HNRNPL: variants seen among roughly 807,000 people sequenced by gnomAD.
HNRNPL encodes heterogeneous nuclear ribonucleoprotein L, also known as epididymis secretory sperm binding protein.
In HNRNPL, 12 loss-of-function variants were observed where a neutral mutation model predicts 64.0. That is an observed-to-expected ratio of 0.19 (90% confidence interval 0.12 to 0.30). The LOEUF (loss-of-function observed/expected upper bound fraction) is 0.30, where lower values mean the gene tolerates loss of function less well. Among genes scored for constraint, HNRNPL ranks in the 10% least tolerant of loss-of-function variants. The pLI, the probability that HNRNPL is intolerant of heterozygous loss-of-function variation, is 1.00. For missense variants in HNRNPL, 484 were observed against 797.4 expected (o/e 0.61, Z 4.73); for synonymous variants, 385 against 313.0 (o/e 1.23, Z -2.43).
chr19:38,840,380 G>A lies in HNRNPL; in HGVS notation c.953-4C>T, dbSNP rs759957167. ...TGGTACCCACCGTGGGGCCCTCCTG[G>A]GGGGTGGGAAGGAAAGAGAGGGAGG... On this transcript the variant is annotated splice_polypyrimidine_tract_variant and splice_region_variant and intron_variant, in intron 7 of 12. Transcript: ENST00000221419. 42 of 1,558,230 alleles carry A rather than the reference G, an allele frequency of 2.7e-5. No individual in the cohort carries two copies. The East Asian group carries it at 9.5e-4, about 35-fold the overall frequency.
intron 6 of HNRNPL, chr19:38,841,347 CAGATAAGA>C: frequency 2.9e-6 from 1 of 345,620 alleles, no homozygotes; most frequent in South Asian, 2.2e-5. Context: ...CCCCATTTTA[CAGATAAGA>C]AGACTGAGTT....
chr19:38,851,431 TG>T (rs762612520), upstream of HNRNPL, among the ~76,000 whole-genome samples: 4 of 151,446 alleles, frequency 2.6e-5, no homozygotes, highest in East Asian at 2.0e-4. Context: ...GCGCAGGGTG[TG>T]GGGGGGAACA....
At position 38,838,344 on chromosome 19, in the gene HNRNPL, C is replaced by T. The variant is rs1261329336; in HGVS notation, c.1557+53G>A. The T allele has an allele frequency of 4.3e-5, 64 of 1,476,882 alleles. No homozygotes were observed. The South Asian group carries it at 5.3e-4, about 12-fold the overall frequency. 91.5% of individuals were successfully genotyped at this position (1,476,882 alleles called of 1,614,324 possible). On this transcript the variant is annotated intron_variant, in intron 10 of 12. Coordinates refer to ENST00000221419, the MANE Select transcript of HNRNPL (RefSeq NM_001533.3). ...AGAAAAGACTGAAATGAATGGCCTA[C>T]TCAGACGGCCGTGGCAAGGACCCGA...
rs575857492 is a variant in HNRNPL at position 38,849,772 on chromosome 19, G to A, written c.195C>T (p.Asn65=). ...GRAPKRLKTD[N]AGDQHGGGGG... is the part of the protein sequence containing the mutation. ...CGCCGCCTCCGTGCTGGTCGCCGGC[G>A]TTGTCAGTCTTGAGCCGCTTAGGGG... is the stretch of plus-strand genomic sequence containing the variant. Residue 65 remains asparagine, a synonymous_variant, in exon 1 of 13, where the codon AAC becomes AAT. Coordinates refer to ENST00000221419, the MANE Select transcript of HNRNPL (RefSeq NM_001533.3). The A allele has an allele frequency of 3.7e-5, 52 of 1,416,768 alleles. No homozygotes were observed. In the African/African-American group the frequency reaches 7.2e-4, roughly 20 times the overall value. 87.8% of individuals were successfully genotyped at this position (1,416,768 alleles called of 1,614,324 possible).
intron 2 of HNRNPL, among the ~76,000 whole-genome samples, chr19:38,846,503 T>A (rs549356326): frequency 1.3e-5 from 2 of 152,212 alleles, no homozygotes; most frequent in Non-Finnish European, 2.9e-5. Flanking sequence ...GGAGCAGTAG[T>A]AGCTCATGCC....
intron 4 of HNRNPL, among the ~76,000 whole-genome samples, chr19:38,844,544 G>C (rs547072361): frequency 6.6e-6 from 1 of 151,870 alleles, no homozygotes; most frequent in African/African-American, 2.4e-5. Flanking sequence ...TTCCAAACCC[G>C]TCTGCTTGCC....
Position 38,844,192 on chromosome 19 carries a change from C to A in HNRNPL, c.711-88G>T, listed in dbSNP as rs889830408. 5 of 811,332 alleles carry A rather than the reference C, an allele frequency of 6.2e-6. No individual in the cohort carries two copies. In the Admixed American group the frequency reaches 7.7e-5, roughly 13 times the overall value. The allele number at this position is 811,332 out of a possible 1,614,324, so 50.3% of individuals were successfully genotyped here. A position where few individuals can be genotyped will look rare whatever the true frequency, so the allele number is the denominator to read the frequency against. On this transcript the variant is annotated intron_variant, in intron 4 of 12. Transcript: ENST00000221419. ...AGAGTGTGATAAGGACAAGGTAGCA[C>A]CCCAAGACTGTGGTACAGACGGAAG...
At chr19:38,841,532 A>G in intron 6 of HNRNPL, 5 of 628,248 alleles carry the variant, frequency 8.0e-6, no homozygotes, top group Non-Finnish European at 1.3e-5. Context: ...GTCATTACAA[A>G]ATGGAAAAGG....
intron 6 of HNRNPL, chr19:38,841,419 A>G: frequency 2.7e-6 from 1 of 366,306 alleles, no homozygotes; most frequent in South Asian, 2.0e-5. Context: ...TCACAAAGCA[A>G]GACAGTGGCT....
At position 38,849,901 on chromosome 19, in the gene HNRNPL, C is replaced by T. The variant is rs930440572; in HGVS notation, c.66G>A (p.Pro22=). The T allele has an allele frequency of 8.7e-6, 11 of 1,267,984 alleles. No homozygotes were observed. The highest frequency in any genetic ancestry group is 3.1e-5 in the African/African-American group (2 of 65,144). The allele number at this position is 1,267,984 out of a possible 1,614,324, so 78.5% of individuals were successfully genotyped here. Reference sequence around the variant, plus strand: ...CTCCCGACCGCCTCCGCTGCTCGTCCGGCTGCTGCCTCTGCTCCAGCCGCC... The same window carrying T: ...CTCCCGACCGCCTCCGCTGCTCGTCTGGCTGCTGCCTCTGCTCCAGCCGCC... The part of the protein sequence containing the change: ...RRRRLEQRQQ[P]DEQRRRSGAM... The change falls in exon 1 of 13, where the codon CCG becomes CCA. Residue 22 remains proline (P), a synonymous_variant. Coordinates refer to ENST00000221419, the MANE Select transcript of HNRNPL (RefSeq NM_001533.3).
At position 38,840,496 on chromosome 19, in the gene HNRNPL, G is replaced by A; in HGVS notation, c.944C>T (p.Ala315Val). ...GAACCCCCTGCCCTCACCATATTCT[G>A]CGGGGTGATCTCCCAGGAGAGGGGG... ...RQPPLLGDHP[A>V]EYGGPHGGYH... Residue 315 changes from alanine to valine, a missense_variant, in exon 7 of 13, where the codon GCA (alanine) becomes GTA (valine). Around this residue, in one of 9 missense-constraint regions of HNRNPL, gnomAD observed 60 missense variants for 192.2 expected, o/e 0.31. Transcript: ENST00000221419. 6.3e-7 allele frequency: 1 copy of A among 1,592,190 alleles called. No individual in the cohort carries two copies. Among genetic ancestry groups the A allele is most frequent in the Non-Finnish European group, 8.5e-7 (1 of 1,170,256 alleles).
At chr19:38,839,462 G>GATAC in intron 8 of HNRNPL, 1 of 175,378 alleles carries the variant, frequency 5.7e-6, no homozygotes, top group Non-Finnish European at 1.2e-5. Context: ...ATGTGAACCT[G>GATAC]GGCGCGTTAT....
Position 38,849,917 on chromosome 19 carries a change from TC to T in HNRNPL, c.49del (p.Glu17SerfsTer17). On this transcript the variant is annotated frameshift_variant, in exon 1 of 13. Coordinates refer to ENST00000221419, the MANE Select transcript of HNRNPL (RefSeq NM_001533.3). LOFTEE classifies it high-confidence loss of function. ...PRAEKRRRRL[E>X]QRQQPDEQRR... ...CTGCTCGTCCGGCTGCTGCCTCTGCTCCAGCCGCCGACGCCGCTTCTCCGCC... is the reference window on the plus strand; with the variant it reads ...CTGCTCGTCCGGCTGCTGCCTCTGCTCAGCCGCCGACGCCGCTTCTCCGCC... 1 of 1,320,716 alleles carries T rather than the reference TC, an allele frequency of 7.6e-7. No homozygotes were observed. The highest frequency in any genetic ancestry group is 1.0e-6 in the Non-Finnish European group (1 of 965,008). 81.8% of individuals were successfully genotyped at this position (1,320,716 alleles called of 1,614,324 possible).
Position 38,847,301 on chromosome 19 carries a change from C to T in HNRNPL, c.386+15G>A. On this transcript the variant is annotated intron_variant, in intron 2 of 12. Coordinates refer to ENST00000221419, the MANE Select transcript of HNRNPL (RefSeq NM_001533.3). ...CAACTTTGGAAGCCCAACACCTGGC[C>T]TCTGAGCCCAGTACCTGATGGGTCC... is the stretch of plus-strand genomic sequence containing the variant. 7.3e-7 allele frequency: 1 copy of T among 1,364,614 alleles called. No individual in the cohort carries two copies. The highest frequency in any genetic ancestry group is 2.7e-5 in the East Asian group (1 of 36,606). The allele number at this position is 1,364,614 out of a possible 1,614,324, so 84.5% of individuals were successfully genotyped here.
At position 38,849,464 on chromosome 19, in the gene HNRNPL, C is replaced by T. The variant is rs548532310; in HGVS notation, c.267+236G>A. The T allele has an allele frequency of 4.0e-5, 19 of 480,456 alleles. No homozygotes were observed. In the South Asian group the frequency reaches 1.7e-3, roughly 44 times the overall value. 29.8% of individuals were successfully genotyped at this position (480,456 alleles called of 1,614,324 possible). ...CGCCTGCGCACTGGGCCATTCGCCT[C>T]ACGAGCTACTTCCTCTGCGCTCCCC... On this transcript the variant is annotated intron_variant, in intron 1 of 12. Coordinates refer to ENST00000221419, the MANE Select transcript of HNRNPL (RefSeq NM_001533.3).
chr19:38,850,273 T>C (rs1042572642), upstream of HNRNPL: 8 of 321,232 alleles, frequency 2.5e-5, no homozygotes, highest in Admixed American at 4.0e-4. Context: ...AAGCACCTGA[T>C]AGGAACGGCG....
chr19:38,851,870 C>A (rs538445993), upstream of HNRNPL, among the ~76,000 whole-genome samples: 1 of 152,082 alleles, frequency 6.6e-6, no homozygotes, highest in South Asian at 2.1e-4. Context: ...TCGGTCAGCT[C>A]CCCCGGACAC....
chr19:38,849,758 T>C lies in HNRNPL; in HGVS notation c.209A>G (p.His70Arg). The change falls in exon 1 of 13, where the codon CAC becomes CGC. Residue 70 changes from histidine to arginine, a missense_variant. Around this residue, in one of 9 missense-constraint regions of HNRNPL, gnomAD observed 190 missense variants for 160.1 expected, o/e 1.19. Transcript: ENST00000221419. ...RLKTDNAGDQ[H>R]GGGGGGGGGA... ...TCCACCGCCACCGCCGCCGCCTCCG[T>C]GCTGGTCGCCGGCGTTGTCAGTCTT... is the stretch of plus-strand genomic sequence containing the variant. The C allele has an allele frequency of 2.1e-6, 3 of 1,421,858 alleles. No homozygotes were observed. Among genetic ancestry groups the C allele is most frequent in the Non-Finnish European group, 2.8e-6 (3 of 1,082,060 alleles). 88.1% of individuals were successfully genotyped at this position (1,421,858 alleles called of 1,614,324 possible).
intron 4 of HNRNPL, 101 bp from the exon 5 acceptor site, chr19:38,844,205 G>A: frequency 1.3e-6 from 1 of 754,716 alleles, no homozygotes; most frequent in South Asian, 1.5e-5. Context: ...CAAGACTGTG[G>A]TACAGACGGA....
Sources: allele counts gnomAD v4.1 joint callset (sites outside exome capture counted in the v4.1 genomes callset), GRCh38; gene constraint gnomAD v4.1.1; regional missense constraint gnomAD v4.1.1; transcripts MANE v1.5; gene names NCBI Gene and HGNC (gene_info 2026-07-23, HGNC 2026-07-21).